Variants in FNBP4 observed in about 807,000 individuals in gnomAD.
FNBP4 encodes the protein formin-binding protein 4.
In FNBP4, 34 loss-of-function variants were observed where a neutral mutation model predicts 119.3. That is an observed-to-expected ratio of 0.28 (90% CI 0.22 to 0.38). FNBP4 has a LOEUF of 0.38. Ranked by LOEUF, FNBP4 falls within the 10% of genes least tolerant of loss-of-function variation. FNBP4 has a pLI of 1.00. For missense variants in FNBP4, 1,112 were observed against 1,228.9 expected, an observed-to-expected ratio of 0.90 and a Z score of 1.42; for synonymous variants, 462 against 430.6, an observed-to-expected ratio of 1.07 and a Z score of -0.90.
chr11:47,729,399 A>G (rs1019918094), intron 12 of FNBP4: 23 of 985,418 alleles, frequency 2.3e-5, no homozygotes, highest in Admixed American at 1.8e-4. Flanking sequence ...CTTTAAAAAC[A>G]TAATGTTAAA....
chr11:47,717,816 T>G (rs933472942), intron 16 of FNBP4, among the ~76,000 whole-genome samples: 3 of 152,170 alleles, frequency 2.0e-5, no homozygotes, highest in African/African-American at 7.2e-5. Context: ...TGGTGCGATC[T>G]CGGCTCACCG....
chr11:47,737,997 C>T (rs1599195259), intron 8 of FNBP4, among the ~76,000 whole-genome samples: 1 of 152,106 alleles, frequency 6.6e-6, no homozygotes, highest in Non-Finnish European at 1.5e-5. Flanking sequence ...CCCGGCTAGG[C>T]CTCTCAAAGT....
chr11:47,724,897 AAAC>A, intron 12 of FNBP4, 119 bp from the exon 13 acceptor site: 1 of 1,380,864 alleles, frequency 7.2e-7, no homozygotes, highest in Admixed American at 3.1e-5. Context: ...ACAGTGTACA[AAAC>A]AATACAGAAT....
chr11:47,741,398 G>T (rs1193993290), intron 8 of FNBP4, among the ~76,000 whole-genome samples: 2 of 151,666 alleles, frequency 1.3e-5, no homozygotes, highest in Non-Finnish European at 2.9e-5. Flanking sequence ...TTGACTCCTG[G>T]CCTCAAATGA....
At chr11:47,759,396 T>G (rs955342196) in intron 2 of FNBP4, among the ~76,000 whole-genome samples, 2 of 151,422 alleles carry the variant, frequency 1.3e-5, no homozygotes, top group East Asian at 4.0e-4. Context: ...GTATTTTTAG[T>G]AGAGATGGGG....
intron 8 of FNBP4, among the ~76,000 whole-genome samples, chr11:47,740,663 G>T (rs1258398207): frequency 6.6e-6 from 1 of 151,010 alleles, no homozygotes; most frequent in South Asian, 2.1e-4. Flanking sequence ...GCACAAACTC[G>T]GCTCACTCCA....
Position 47,723,176 on chromosome 11 carries a change from G to A in FNBP4, c.2605C>T (p.Pro869Ser), listed in dbSNP as rs373522050. ...CATTCTGCATAACTCATAATTGCAG[G>A]TGCTGCCGCTAGTCCAAGGTAATTT... ...QSNYLGLAAAPAIMSYAECSV... is the reference protein window; with the variant it reads ...QSNYLGLAAASAIMSYAECSV... The change falls in exon 15 of 17, where the codon CCT becomes TCT. Residue 869 changes from proline (P) to serine (S), a missense_variant. Pro to Ser is a moderately conservative substitution (Grantham distance 74). Coordinates refer to ENST00000263773, the MANE Select transcript of FNBP4 (RefSeq NM_015308.5). The A allele has an allele frequency of 6.2e-7, 1 of 1,613,944 alleles. No individual in the cohort carries two copies. Among genetic ancestry groups the A allele is most frequent in the Non-Finnish European group, 8.5e-7 (1 of 1,180,008 alleles).
At position 47,765,369 on chromosome 11, in the gene FNBP4, TAAAAAAAAAGAAAAG is replaced by T. The variant is rs2097644802; in HGVS notation, c.221-22_221-8del. 1 of 1,204,690 alleles carries T rather than the reference TAAAAAAAAAGAAAAG, an allele frequency of 8.3e-7. No homozygotes were observed. Among genetic ancestry groups the T allele is most frequent in the Non-Finnish European group, 1.1e-6 (1 of 895,332 alleles). 74.6% of individuals were successfully genotyped at this position (1,204,690 alleles called of 1,614,324 possible). A position where few individuals can be genotyped will look rare whatever the true frequency, so the allele number is the denominator to read the frequency against. ...TGCACCGCTTCCTGTTCATCTGGAT[TAAAAAAAAAGAAAAG>T]AAAAGAAAAGAAAAGAAAAGAAAAG... On this transcript the variant is annotated splice_region_variant and splice_polypyrimidine_tract_variant and intron_variant, in intron 1 of 16. Transcript: ENST00000263773.
chr11:47,764,036 G>C (rs1244128309), intron 2 of FNBP4, among the ~76,000 whole-genome samples: 1 of 152,204 alleles, frequency 6.6e-6, no homozygotes, highest in Non-Finnish European at 1.5e-5. Flanking sequence ...CCTAATGGAA[G>C]ATGTTGACAT....
chr11:47,744,477 T>C (rs2097586561), intron 7 of FNBP4, among the ~76,000 whole-genome samples: 1 of 152,050 alleles, frequency 6.6e-6, no homozygotes, highest in Non-Finnish European at 1.5e-5. Flanking sequence ...GTTGCTCACA[T>C]TGGTCTCAAC....
intron 12 of FNBP4, chr11:47,727,058 G>A (rs975110068): frequency 3.9e-5 from 6 of 152,104 alleles, no homozygotes; most frequent in Admixed American, 3.3e-4. Context: ...GTTTATGATG[G>A]TGGTGACATG....
At chr11:47,738,960 C>A (rs554957859) in intron 8 of FNBP4, among the ~76,000 whole-genome samples, 1 of 149,736 alleles carries the variant, frequency 6.7e-6, no homozygotes, top group South Asian at 2.1e-4. Context: ...CCACCTCAGC[C>A]TCCCAAACCG....
At chr11:47,742,505 A>AAAT (rs2097583693) in intron 8 of FNBP4, among the ~76,000 whole-genome samples, 2 of 145,380 alleles carry the variant, frequency 1.4e-5, no homozygotes, top group Non-Finnish European at 3.0e-5. Context: ...AAAAAAAAAA[A>AAAT]GGACCACGGG....
chr11:47,734,174 T>G (rs1019292694), intron 9 of FNBP4, 45 bp from the exon 10 acceptor site: 2 of 1,105,282 alleles, frequency 1.8e-6, no homozygotes, highest in Non-Finnish European at 2.6e-6. Context: ...ATCCGTAACA[T>G]TTTCTGTATT....
chr11:47,717,917 T>C (rs1336128622), intron 16 of FNBP4, among the ~76,000 whole-genome samples: 1 of 147,320 alleles, frequency 6.8e-6, no homozygotes. Flanking sequence ...CATGCCTGGC[T>C]AATTTTTTTT....
chr11:47,737,396 C>A (rs1042017041), intron 8 of FNBP4, among the ~76,000 whole-genome samples: 2 of 152,026 alleles, frequency 1.3e-5, no homozygotes, highest in African/African-American at 4.8e-5. Context: ...TGTAAGAATT[C>A]TTTAACAAGT....
At chr11:47,721,516 G>C (rs2097555624) in intron 15 of FNBP4, among the ~76,000 whole-genome samples, 1 of 151,976 alleles carries the variant, frequency 6.6e-6, no homozygotes, top group Non-Finnish European at 1.5e-5. Flanking sequence ...GGCATGAGAA[G>C]TGCTTGAACT....
chr11:47,722,452 T>C (rs955085300), intron 15 of FNBP4, among the ~76,000 whole-genome samples: 4 of 151,958 alleles, frequency 2.6e-5, no homozygotes, highest in African/African-American at 7.3e-5. Context: ...GCTCAACAAG[T>C]AGGAGTTGAC....
chr11:47,756,385 G>C (rs2097618253), intron 2 of FNBP4, among the ~76,000 whole-genome samples: 1 of 152,130 alleles, frequency 6.6e-6, no homozygotes, highest in African/African-American at 2.4e-5. Flanking sequence ...TTTATCGAAA[G>C]TTAAATCTAG....
Sources: allele counts gnomAD v4.1 joint callset (sites outside exome capture counted in the v4.1 genomes callset), GRCh38; gene constraint gnomAD v4.1.1; transcripts MANE v1.5; gene names NCBI Gene and HGNC (gene_info 2026-07-23, HGNC 2026-07-21).